The following TUT4 variants were observed in gnomAD, a reference collection of about 807,000 sequenced individuals.
TUT4 encodes the protein terminal uridylyl transferase 4.
A neutral mutation model predicts 192.2 loss-of-function variants in TUT4; 36 were observed. The ratio of observed to expected loss-of-function variants is 0.19; its 90% confidence interval spans 0.14 to 0.25. TUT4 has a LOEUF of 0.25. TUT4 is among the 10% of genes least tolerant of loss of function. TUT4 has a pLI of 1.00. For synonymous variants in TUT4, 618 were observed against 666.0 expected, an observed-to-expected ratio of 0.93 and a Z score of 1.11; for missense variants, 1,493 against 1,957.2, an observed-to-expected ratio of 0.76 and a Z score of 4.47.
At chr1:52,444,899 A>T (rs774203590) in intron 24 of TUT4, among the ~76,000 whole-genome samples, 2 of 134,178 alleles carry the variant, frequency 1.5e-5, no homozygotes, top group African/African-American at 7.0e-5. Flanking sequence ...ATATGTGTGT[A>T]TATATATATG....
In TUT4 at chr1:52,455,667, G is replaced by T. The variant is rs1024029999; in HGVS notation, c.3435+2669C>A. ...GGAAGGGAGGGGAGGGCAGGGGAGG[G>T]GGGGAGAGGGAAGGAGGAAGGGAGG... On this transcript the variant is annotated intron_variant, in intron 20 of 29. Transcript: ENST00000257177. Among the ~76,000 whole-genome samples, 3 of 147,662 alleles carry T rather than the reference G, an allele frequency of 2.0e-5. No individual in the cohort carries two copies. In the Admixed American group the frequency reaches 2.0e-4, roughly 10 times the overall value.
Position 52,423,899 on chromosome 1 carries a change from G to A in TUT4, c.*36C>T, listed in dbSNP as rs763024379. On this transcript the variant is annotated 3_prime_UTR_variant, in exon 30 of 30. Transcript: ENST00000257177. Reference sequence around the variant, plus strand: ...GACAGCAGGATTGGCTGGTTGCTGTGCATCGGTAGACCAGCTGAAAGAAAA... The same window carrying A: ...GACAGCAGGATTGGCTGGTTGCTGTACATCGGTAGACCAGCTGAAAGAAAA... 6.2e-6 allele frequency: 10 copies of A among 1,606,244 alleles called. No homozygotes were observed. Among genetic ancestry groups the A allele is most frequent in the Non-Finnish European group, 8.5e-6 (10 of 1,176,504 alleles).
At chr1:52,466,012 CTGAGA>C (rs1199070504) in intron 15 of TUT4, among the ~76,000 whole-genome samples, 2 of 152,146 alleles carry the variant, frequency 1.3e-5, no homozygotes, top group Non-Finnish European at 2.9e-5. Flanking sequence ...TCCCAAGTGG[CTGAGA>C]TAACAGGTGT....
intron 13 of TUT4, among the ~76,000 whole-genome samples, chr1:52,472,723 T>C (rs1216509881): frequency 1.3e-5 from 2 of 152,154 alleles, no homozygotes; most frequent in East Asian, 1.9e-4. Context: ...CCAAACCCTA[T>C]ATAACCATTT....
chr1:52,470,932 ATCTC>A (rs1479147848), intron 14 of TUT4, among the ~76,000 whole-genome samples: 5 of 150,724 alleles, frequency 3.3e-5, no homozygotes, highest in Non-Finnish European at 5.9e-5. Flanking sequence ...TTATAGGCTT[ATCTC>A]TCTCTATTGC....
intron 9 of TUT4, among the ~76,000 whole-genome samples, chr1:52,487,835 C>T (rs1670188546): frequency 6.6e-6 from 1 of 152,136 alleles, no homozygotes; most frequent in South Asian, 2.1e-4. Context: ...TGTGCTGACA[C>T]AGTAAAATAA....
intron 28 of TUT4, 66 bp from the exon 29 acceptor site, chr1:52,425,573 A>G: frequency 6.7e-7 from 1 of 1,502,524 alleles, no homozygotes; most frequent in East Asian, 2.4e-5. Context: ...ATATCCCTTC[A>G]TTCCACAAAG....
chr1:52,427,507 A>G (rs1475176718), intron 28 of TUT4, among the ~76,000 whole-genome samples: 1 of 152,246 alleles, frequency 6.6e-6, no homozygotes, highest in Non-Finnish European at 1.5e-5. Flanking sequence ...TCAAAGGGCA[A>G]AACACTGGGT....
intron 20 of TUT4, among the ~76,000 whole-genome samples, chr1:52,457,782 A>G (rs1311494963): frequency 2.6e-5 from 4 of 152,234 alleles, no homozygotes; most frequent in South Asian, 2.1e-4. Context: ...AAGGAACTTT[A>G]TAAGTCACCA....
chr1:52,475,053 T>C lies in TUT4; in HGVS notation c.2506A>G (p.Ile836Val), dbSNP rs904218086. 3 of 1,614,180 alleles carry C rather than the reference T, an allele frequency of 1.9e-6. No homozygotes were observed. In the Admixed American group the frequency reaches 5.0e-5, roughly 27 times the overall value. The change falls in exon 13 of 30, where the codon ATT becomes GTT. Residue 836 changes from isoleucine to valine, a missense_variant. Physicochemically the swap from Ile to Val is conservative, Grantham distance 29. Transcript: ENST00000257177. ...GGGTCAGGCGACTTAGACAAATCAA[T>C]GCAATTACATTGGCTGAGCTCTTTT... The part of the protein sequence containing the change: ...LKKELSQCNC[I>V]DLSKSPDPDK...
intron 9 of TUT4, among the ~76,000 whole-genome samples, chr1:52,482,794 T>G (rs745447863): frequency 2.6e-5 from 4 of 152,134 alleles, no homozygotes; most frequent in Non-Finnish European, 4.4e-5. Context: ...ACGTAACAGT[T>G]CCCCCATTCA....
In TUT4 at chr1:52,516,066, A is replaced by G. The variant is rs1248291338; in HGVS notation, c.719-12T>C. On this transcript the variant is annotated splice_polypyrimidine_tract_variant and intron_variant, in intron 2 of 29. Coordinates refer to ENST00000257177, the MANE Select transcript of TUT4 (RefSeq NM_001009881.3). ...ATTCTTCATTTTACCTAGAAAAGAA[A>G]GCAATCACTCAGTTATCATCAGAAC... 1 of 1,609,866 alleles carries G rather than the reference A, an allele frequency of 6.2e-7. No individual in the cohort carries two copies.
chr1:52,537,836 C>T (rs533114944), intron 1 of TUT4, among the ~76,000 whole-genome samples: 3 of 152,166 alleles, frequency 2.0e-5, no homozygotes, highest in Admixed American at 1.3e-4. Flanking sequence ...TCGCTTGAAC[C>T]GAGAAGGCAG....
intron 1 of TUT4, among the ~76,000 whole-genome samples, chr1:52,533,857 T>C (rs1361134917): frequency 2.0e-5 from 3 of 152,078 alleles, no homozygotes; most frequent in African/African-American, 7.2e-5. Flanking sequence ...TCCCAGCTAC[T>C]GGGGAGAATG....
At chr1:52,517,515 TA>T (rs1679029208) in intron 2 of TUT4, among the ~76,000 whole-genome samples, 1 of 152,214 alleles carries the variant, frequency 6.6e-6, no homozygotes, top group African/African-American at 2.4e-5. Flanking sequence ...TTGATAGCAC[TA>T]ATTTTCTGAA....
At chr1:52,472,675 T>C (rs1315480370) in intron 13 of TUT4, among the ~76,000 whole-genome samples, 1 of 151,906 alleles carries the variant, frequency 6.6e-6, no homozygotes, top group Non-Finnish European at 1.5e-5. Context: ...ATTAGCTTCA[T>C]ACGAAGAGTA....
At chr1:52,473,702 G>T (rs1034204381) in intron 13 of TUT4, among the ~76,000 whole-genome samples, 10 of 149,918 alleles carry the variant, frequency 6.7e-5, no homozygotes, top group Non-Finnish European at 7.4e-5. Context: ...CTTTCCTTTT[G>T]TTTTTTTTTA....
intron 4 of TUT4, among the ~76,000 whole-genome samples, chr1:52,507,807 A>G (rs905147143): frequency 6.6e-6 from 1 of 152,078 alleles, no homozygotes; most frequent in Non-Finnish European, 1.5e-5. Flanking sequence ...GTATAGGTAT[A>G]GTTTTCCTTT....
rs761710228 is a variant in TUT4, at chr1:52,495,407, G to A, written c.1266+20C>T. On this transcript the variant is annotated intron_variant, in intron 6 of 29. Transcript: ENST00000257177. ...TAAGTACTAGTTAAGAACCACACAG[G>A]AAAGATTCTAATTACTTACCTTGGG... 31 of 1,486,616 alleles carry A rather than the reference G, an allele frequency of 2.1e-5. No individual in the cohort carries two copies. The African/African-American group carries it at 4.2e-4, about 20-fold the overall frequency. 92.1% of individuals were successfully genotyped at this position (1,486,616 alleles called of 1,614,324 possible).
Sources: allele counts gnomAD v4.1 joint callset (sites outside exome capture counted in the v4.1 genomes callset), GRCh38; gene constraint gnomAD v4.1.1; transcripts MANE v1.5; gene names NCBI Gene and HGNC (gene_info 2026-07-23, HGNC 2026-07-21).